GTF2A1: variants seen among roughly 807,000 people sequenced by gnomAD.
GTF2A1 encodes general transcription factor IIA subunit 1.
A neutral mutation model predicts 54.1 loss-of-function variants in GTF2A1; 12 were observed. The ratio of observed to expected loss-of-function variants is 0.22; its 90% CI spans 0.14 to 0.36. The LOEUF (loss-of-function observed/expected upper bound fraction) is 0.36, where lower values mean the gene tolerates loss of function less well. Ranked by LOEUF, GTF2A1 falls within the 10% of genes least tolerant of loss-of-function variation. The probability of loss-of-function intolerance (pLI) is 1.00; values close to 1 mark genes in which losing one functional copy is unlikely to be tolerated. For synonymous variants in GTF2A1, 145 were observed against 152.0 expected, an observed-to-expected ratio of 0.95 and a Z score of 0.34; for missense variants, 335 against 442.2, an observed-to-expected ratio of 0.76 and a Z score of 2.17.
In GTF2A1 at chr14:81,182,879, A is replaced by G. The variant is rs987110854; in HGVS notation, c.1024-2549T>C. 4.8e-4 allele frequency among the ~76,000 whole-genome samples: 73 copies of G among 152,156 alleles called. 1 individual carries two copies. Among genetic ancestry groups the G allele is most frequent in the African/African-American group, 1.5e-3 (62 of 41,518 alleles). On this transcript the variant is annotated intron_variant, in intron 8 of 8. Transcript: ENST00000553612. ...CACAGGCCTCCTTGCTGTTCCTCAC[A>G]TACAACAGACTCTGCCACCAGATGA...
intron 2 of GTF2A1, chr14:81,209,982 T>C (rs117950439): frequency 1.3e-5 from 11 of 830,740 alleles, no homozygotes; most frequent in East Asian, 6.5e-5. Context: ...TCTAGAATAC[T>C]GTTCCTATAT....
intron 2 of GTF2A1, among the ~76,000 whole-genome samples, chr14:81,207,033 A>G (rs914696731): frequency 2.0e-5 from 3 of 152,226 alleles, no homozygotes; most frequent in Non-Finnish European, 4.4e-5. Flanking sequence ...ACTGTTCTAC[A>G]CTGTTATCAA....
In GTF2A1 at chr14:81,196,180, C is replaced by T. The variant is rs766805778; in HGVS notation, c.540G>A (p.Gln180=). The T allele has an allele frequency of 1.1e-5, 17 of 1,613,948 alleles. No individual in the cohort carries two copies. The highest frequency in any genetic ancestry group is 1.4e-5 in the Non-Finnish European group (17 of 1,179,800). Residue 180 remains glutamine (Q), a synonymous_variant, in exon 6 of 9, where the codon CAG becomes CAA. Transcript: ENST00000553612. ...NGAQYIFQPQ[Q]SVVLQQQVIP... ...TAACCTGTTGTTGTAGAACCACTGA[C>T]TGCTGAGGCTGAAAGATATATTGGG...
chr14:81,184,892 C>A (rs1294590069), intron 8 of GTF2A1, among the ~76,000 whole-genome samples: 2 of 152,014 alleles, frequency 1.3e-5, no homozygotes, highest in African/African-American at 4.8e-5. Flanking sequence ...ATTTAAATGT[C>A]TTGAAAACAA....
At chr14:81,211,674 A>G (rs996620815) in intron 2 of GTF2A1, among the ~76,000 whole-genome samples, 2 of 151,930 alleles carry the variant, frequency 1.3e-5, no homozygotes, top group Non-Finnish European at 2.9e-5. Context: ...ACCTGGCAAC[A>G]TGGTGGGCTA....
intron 2 of GTF2A1, among the ~76,000 whole-genome samples, chr14:81,204,807 G>A (rs1893193969): frequency 6.6e-6 from 1 of 151,982 alleles, no homozygotes; most frequent in African/African-American, 2.4e-5. Context: ...AATCATAATG[G>A]ACAAAAAGAA....
chr14:81,188,432 C>T (rs1363237685), intron 7 of GTF2A1, among the ~76,000 whole-genome samples: 2 of 151,918 alleles, frequency 1.3e-5, no homozygotes, highest in African/African-American at 2.4e-5. Flanking sequence ...CTACAAAGTC[C>T]ACTTTTTCTT....
rs144484014 is a variant in GTF2A1 at position 81,195,097 on chromosome 14, G to A, written c.612+1011C>T. Among the ~76,000 whole-genome samples the A allele has an allele frequency of 2.2e-3, 309 of 143,574 alleles. 2 individuals are homozygous for A. The highest frequency in any genetic ancestry group is 3.9e-3 in the Non-Finnish European group (260 of 66,930). The allele number at this position is 143,574 out of a possible 152,430, so 94.2% of individuals were successfully genotyped here. On this transcript the variant is annotated intron_variant, in intron 6 of 8. Coordinates refer to ENST00000553612, the MANE Select transcript of GTF2A1 (RefSeq NM_015859.4). Reference sequence around the variant, plus strand: ...GGGAGTTGCAGTGAGCTGAGATTGCGCCATTGCACTCCACCCTAGGTGACA... The same window carrying A: ...GGGAGTTGCAGTGAGCTGAGATTGCACCATTGCACTCCACCCTAGGTGACA...
intron 6 of GTF2A1, among the ~76,000 whole-genome samples, chr14:81,193,231 A>C (rs1892915213): frequency 6.9e-6 from 1 of 144,280 alleles, no homozygotes; most frequent in Admixed American, 7.0e-5. Context: ...CAATGGTGTG[A>C]TCTCGGCTCA....
chr14:81,219,119 A>T (rs775621726), intron 1 of GTF2A1, among the ~76,000 whole-genome samples: 2 of 152,158 alleles, frequency 1.3e-5, no homozygotes, highest in Non-Finnish European at 2.9e-5. Flanking sequence ...TTTGTTTTAA[A>T]TAATTAATTT....
chr14:81,195,405 G>A (rs1182185216), intron 6 of GTF2A1, among the ~76,000 whole-genome samples: 7 of 151,520 alleles, frequency 4.6e-5, no homozygotes, highest in South Asian at 2.1e-4. Context: ...AGGCCGAGGC[G>A]GGTGGATCAC....
intron 2 of GTF2A1, among the ~76,000 whole-genome samples, chr14:81,211,882 TA>T: frequency 2.2e-5 from 1 of 45,998 alleles, no homozygotes; most frequent in East Asian, 5.2e-4. Context: ...ACTTTATATA[TA>T]TATATATATA....
chr14:81,194,040 ATAT>A, intron 6 of GTF2A1, among the ~76,000 whole-genome samples: 1 of 152,198 alleles, frequency 6.6e-6, no homozygotes, highest in Non-Finnish European at 1.5e-5. Flanking sequence ...AATATTACTT[ATAT>A]TATTAGTAAG....
At chr14:81,210,807 G>A (rs1338740380) in intron 2 of GTF2A1, among the ~76,000 whole-genome samples, 1 of 151,928 alleles carries the variant, frequency 6.6e-6, no homozygotes. Flanking sequence ...CGCCCACCTC[G>A]GCCTCCCAAA....
chr14:81,182,745 G>A (rs1892666113), intron 8 of GTF2A1, among the ~76,000 whole-genome samples: 2 of 152,122 alleles, frequency 1.3e-5, no homozygotes, highest in African/African-American at 4.8e-5. Flanking sequence ...ATAACTTTCT[G>A]ATTCACTTAA....
rs1320625520 is a variant in GTF2A1, at chr14:81,179,774, C to T, written c.*449G>A. ...GAATTAAAATTCAACACAATTCTTA[C>T]CCTTTTGTAAAAAGCTCACACGCAA... On this transcript the variant is annotated 3_prime_UTR_variant, in exon 9 of 9. Coordinates refer to ENST00000553612, the MANE Select transcript of GTF2A1 (RefSeq NM_015859.4). The T allele has an allele frequency of 6.6e-6, 1 of 152,290 alleles. No homozygotes were observed. The highest frequency in any genetic ancestry group is 2.4e-5 in the African/African-American group (1 of 41,450). The allele number at this position is 152,290 out of a possible 1,614,324, so 9.4% of individuals were successfully genotyped here. A position where few individuals can be genotyped will look rare whatever the true frequency, so the allele number is the denominator to read the frequency against.
chr14:81,196,186 A>T lies in GTF2A1; in HGVS notation c.534T>A (p.Pro178=). The change falls in exon 6 of 9, where the codon CCT becomes CCA. Residue 178 remains proline (P), a synonymous_variant. Transcript: ENST00000553612. ...GTTGTTGTAGAACCACTGACTGCTG[A>T]GGCTGAAAGATATATTGGGCACCAT... The part of the protein sequence containing the change: ...AANGAQYIFQ[P]QQSVVLQQQV... 6.2e-7 allele frequency: 1 copy of T among 1,614,030 alleles called. No individual in the cohort carries two copies. The highest frequency in any genetic ancestry group is 8.5e-7 in the Non-Finnish European group (1 of 1,179,898).
intron 3 of GTF2A1, 65 bp from the exon 4 acceptor site, chr14:81,201,723 C>T (rs1429829272): frequency 9.6e-7 from 1 of 1,040,010 alleles, no homozygotes; most frequent in African/African-American, 1.6e-5. Flanking sequence ...CACAAGAACA[C>T]TTTACATACA....
intron 5 of GTF2A1, 131 bp from the exon 6 acceptor site, chr14:81,196,372 G>A (rs374083177): frequency 3.4e-5 from 31 of 919,198 alleles, no homozygotes; most frequent in East Asian, 2.8e-4. Flanking sequence ...TTTATTAAAG[G>A]TTGTCATTCA....
Sources: allele counts gnomAD v4.1 joint callset (sites outside exome capture counted in the v4.1 genomes callset), GRCh38; gene constraint gnomAD v4.1.1; transcripts MANE v1.5; gene names NCBI Gene and HGNC (gene_info 2026-07-23, HGNC 2026-07-21).